MYO1B: variants seen among roughly 807,000 people sequenced by gnomAD.
MYO1B encodes unconventional myosin-Ib.
In MYO1B, 72 loss-of-function variants were observed where a neutral mutation model predicts 159.7. That is an observed-to-expected ratio of 0.45 (90% CI 0.37 to 0.55). MYO1B has a LOEUF of 0.55. Ranked by LOEUF, MYO1B falls within the 20% of genes least tolerant of loss-of-function variation. The pLI, the probability that MYO1B is intolerant of heterozygous loss-of-function variation, is 0.00. For missense variants in MYO1B, 1,062 were observed against 1,364.8 expected (o/e 0.78, Z 3.50); for synonymous variants, 468 against 473.8 (o/e 0.99, Z 0.16).
At chr2:191,417,170 C>A (rs1697629375) in intron 30 of MYO1B, among the ~76,000 whole-genome samples, 1 of 152,140 alleles carries the variant, frequency 6.6e-6, no homozygotes, top group South Asian at 2.1e-4. Flanking sequence ...TAAATTTACA[C>A]CCATTTCTGC....
chr2:191,311,168 T>C (rs1160446121), intron 3 of MYO1B, among the ~76,000 whole-genome samples: 1 of 152,192 alleles, frequency 6.6e-6, no homozygotes, highest in African/African-American at 2.4e-5. Flanking sequence ...CTAAGCCTTA[T>C]AGATGACTTA....
chr2:191,358,466 G>A (rs538445028), intron 7 of MYO1B, among the ~76,000 whole-genome samples: 10 of 152,102 alleles, frequency 6.6e-5, no homozygotes, highest in African/African-American at 2.4e-4. Flanking sequence ...CATATCGTGC[G>A]CAAGTGAATA....
At chr2:191,276,497 C>T (rs550072733) in intron 1 of MYO1B, among the ~76,000 whole-genome samples, 4 of 152,220 alleles carry the variant, frequency 2.6e-5, no homozygotes, top group African/African-American at 4.8e-5. Context: ...TTATCATCTT[C>T]GAGGAAGCAG....
At chr2:191,369,470 CTT>C in intron 11 of MYO1B, 70 bp from the exon 12 acceptor site, 2 of 1,137,172 alleles carry the variant, frequency 1.8e-6, no homozygotes, top group Admixed American at 1.9e-5. Context: ...TTAAAAGTAT[CTT>C]TATGATTTTA....
intron 23 of MYO1B, 134 bp from the exon 24 acceptor site, chr2:191,402,498 T>TA: frequency 1.3e-6 from 1 of 751,558 alleles, no homozygotes; most frequent in Non-Finnish European, 2.3e-6. Flanking sequence ...TTTAAATTGT[T>TA]ATGCACTGTT....
rs1390908820 is a variant in MYO1B at position 191,424,903 on chromosome 2, C to CATCCTGTATGATGTGCAATAAAAAG, written c.*947_*948insTGTATGATGTGCAATAAAAAGATCC. 2 of 152,502 alleles carry CATCCTGTATGATGTGCAATAAAAAG rather than the reference C, an allele frequency of 1.3e-5. No homozygotes were observed. Among genetic ancestry groups the CATCCTGTATGATGTGCAATAAAAAG allele is most frequent in the African/African-American group, 2.4e-5 (1 of 41,422 alleles). The allele number at this position is 152,502 out of a possible 1,614,324, so 9.4% of individuals were successfully genotyped here. A position where few individuals can be genotyped will look rare whatever the true frequency, so the allele number is the denominator to read the frequency against. On this transcript the variant is annotated 3_prime_UTR_variant, in exon 31 of 31. Transcript: ENST00000392318. ...ACATTCTGTATGATGTGCAATAAAA[C>CATCCTGTATGATGTGCAATAAAAAG]ATCCAAGATCTTTTTTGAAAGTTTT...
At chr2:191,405,078 C>T (rs1484474208) in intron 24 of MYO1B, among the ~76,000 whole-genome samples, 1 of 152,318 alleles carries the variant, frequency 6.6e-6, no homozygotes, top group East Asian at 1.9e-4. Context: ...AACCTTGCCA[C>T]TGGTTTTGTC....
At chr2:191,313,791 T>C (rs1690178404) in intron 3 of MYO1B, among the ~76,000 whole-genome samples, 1 of 152,208 alleles carries the variant, frequency 6.6e-6, no homozygotes. Flanking sequence ...AGTGCTGAGA[T>C]TACAGATGTG....
intron 3 of MYO1B, among the ~76,000 whole-genome samples, chr2:191,308,573 A>T (rs904770452): frequency 6.6e-6 from 1 of 151,922 alleles, no homozygotes; most frequent in Non-Finnish European, 1.5e-5. Context: ...TTCCATTCCC[A>T]CCAACATAAC....
chr2:191,333,874 T>A (rs531127733), intron 4 of MYO1B, among the ~76,000 whole-genome samples: 2 of 152,170 alleles, frequency 1.3e-5, no homozygotes, highest in Admixed American at 6.5e-5. Context: ...TGTCTCTAGG[T>A]TGACAAATGA....
intron 3 of MYO1B, among the ~76,000 whole-genome samples, chr2:191,307,204 G>A (rs1689700230): frequency 6.6e-6 from 1 of 151,894 alleles, no homozygotes; most frequent in African/African-American, 2.4e-5. Flanking sequence ...GAAAGGGATG[G>A]GCAATTCCTG....
intron 2 of MYO1B, among the ~76,000 whole-genome samples, chr2:191,292,015 A>T (rs1414348847): frequency 6.6e-6 from 1 of 152,176 alleles, no homozygotes; most frequent in Non-Finnish European, 1.5e-5. Flanking sequence ...GAATATTTAA[A>T]CCTTTGGCTA....
chr2:191,269,142 G>A lies in MYO1B; in HGVS notation c.-9-7745G>A, dbSNP rs190558771. On this transcript the variant is annotated intron_variant, in intron 1 of 30. Coordinates refer to ENST00000392318, the MANE Select transcript of MYO1B (RefSeq NM_001130158.3). Reference sequence around the variant, plus strand: ...ATTATCCCAAACTAAAACTGTAGCCGTTAAATAGCACCTCCTCATTACTCT... The same window carrying A: ...ATTATCCCAAACTAAAACTGTAGCCATTAAATAGCACCTCCTCATTACTCT... 1.9e-3 allele frequency among the ~76,000 whole-genome samples: 293 copies of A among 152,186 alleles called. 1 individual carries two copies. Among genetic ancestry groups the A allele is most frequent in the African/African-American group, 6.8e-3 (282 of 41,534 alleles).
chr2:191,417,262 A>G (rs1697634992), intron 30 of MYO1B, among the ~76,000 whole-genome samples: 1 of 152,086 alleles, frequency 6.6e-6, no homozygotes, highest in Non-Finnish European at 1.5e-5. Flanking sequence ...TGAAGTGTTT[A>G]GATTTGGGTG....
chr2:191,246,526 ATCT>A (rs928824419), intron 1 of MYO1B, among the ~76,000 whole-genome samples: 7 of 150,096 alleles, frequency 4.7e-5, no homozygotes, highest in South Asian at 2.1e-4. Flanking sequence ...CTCAAAGCAA[ATCT>A]TCTTAGTTAC....
intron 2 of MYO1B, among the ~76,000 whole-genome samples, chr2:191,280,095 GTGAGGGATTGCTTT>G (rs1687968930): frequency 6.6e-6 from 1 of 152,104 alleles, no homozygotes; most frequent in Non-Finnish European, 1.5e-5. Flanking sequence ...CAGAGCTCTC[GTGAGGGATTGCTTT>G]GCCCCTGGGT....
rs1559112543 is a variant in MYO1B, at chr2:191,245,620, A to C, written c.-16A>C. ...GAGTGGCGCCCGGCGAGGTAGCGCC[A>C]GGCGAGGTAGCGCGAGCGCTTTCTC... On this transcript the variant is annotated 5_prime_UTR_variant, in exon 1 of 31. Transcript: ENST00000392318. 1 of 151,910 alleles carries C rather than the reference A, an allele frequency of 6.6e-6. No homozygotes were observed. The highest frequency in any genetic ancestry group is 1.5e-5 in the Non-Finnish European group (1 of 67,998). 9.4% of individuals were successfully genotyped at this position (151,910 alleles called of 1,614,324 possible).
chr2:191,401,904 A>G (rs891249111), intron 23 of MYO1B: 2 of 152,300 alleles, frequency 1.3e-5, no homozygotes, highest in Non-Finnish European at 2.9e-5. Flanking sequence ...ATCTTGAACA[A>G]TCAGTGCCTA....
chr2:191,276,465 C>T (rs1687754081), intron 1 of MYO1B, among the ~76,000 whole-genome samples: 1 of 152,182 alleles, frequency 6.6e-6, no homozygotes, highest in African/African-American at 2.4e-5. Flanking sequence ...AAGTAAACAA[C>T]AAATGTTAGC....
Sources: allele counts gnomAD v4.1 joint callset (sites outside exome capture counted in the v4.1 genomes callset), GRCh38; gene constraint gnomAD v4.1.1; transcripts MANE v1.5; gene names NCBI Gene and HGNC (gene_info 2026-07-23, HGNC 2026-07-21).